Variants in KCNK10 observed in about 807,000 individuals in gnomAD.
KCNK10 encodes the protein potassium two pore domain channel subfamily K member 10.
KCNK10 carries 25 observed loss-of-function variants against 47.7 expected under a neutral mutation model. That is an observed-to-expected ratio of 0.52 (90% CI 0.38 to 0.73). KCNK10 has a LOEUF of 0.73. Among genes scored for constraint, KCNK10 ranks in the 30% least tolerant of loss-of-function variants. The probability of loss-of-function intolerance (pLI) is 0.00; values close to 1 mark genes in which losing one functional copy is unlikely to be tolerated. For missense variants in KCNK10, 563 were observed against 714.5 expected (o/e 0.79, Z 2.42); for synonymous variants, 303 against 285.6 (o/e 1.06, Z -0.61).
chr14:88,187,874 G>A, intron 6 of KCNK10, 93 bp downstream of exon 6: 2 of 1,392,856 alleles, frequency 1.4e-6, no homozygotes, highest in Non-Finnish European at 2.0e-6. Context: ...AACCGAGCCA[G>A]AAACACTCCA....
At chr14:88,313,510 C>A (rs1455516476) in intron 1 of KCNK10, among the ~76,000 whole-genome samples, 1 of 152,188 alleles carries the variant, frequency 6.6e-6, no homozygotes, top group African/African-American at 2.4e-5. Context: ...AGCCAGCCAC[C>A]ATGTCACATA....
In KCNK10 at chr14:88,310,205, G is replaced by GATATACCATATCATATGGTATATC. The variant is rs1566721489; in HGVS notation, c.52+12541_52+12542insGATATACCATATGATATGGTATAT. On this transcript the variant is annotated intron_variant, in intron 1 of 6. Coordinates refer to ENST00000319231, the MANE Select transcript of KCNK10 (RefSeq NM_138317.3). ...TGATATACCATATCATATGGTATAT[G>GATATACCATATCATATGGTATATC]ATATACCATATCATATGGTATATGA... 6.6e-3 allele frequency among the ~76,000 whole-genome samples: 280 copies of GATATACCATATCATATGGTATATC among 42,268 alleles called. 21 individuals are homozygous for GATATACCATATCATATGGTATATC. Among genetic ancestry groups the GATATACCATATCATATGGTATATC allele is most frequent in the Middle Eastern group, 0.05 (2 of 40 alleles). The allele number at this position is 42,268 out of a possible 152,430, so 27.7% of individuals were successfully genotyped here.
intron 4 of KCNK10, among the ~76,000 whole-genome samples, chr14:88,204,205 C>T (rs188945070): frequency 3.9e-5 from 6 of 152,256 alleles, no homozygotes; most frequent in Non-Finnish European, 8.8e-5. Flanking sequence ...AAGGAGAAAA[C>T]GAGCAACATG....
intron 3 of KCNK10, chr14:88,235,385 C>T (rs1886272939): frequency 2.7e-6 from 1 of 364,004 alleles, no homozygotes; most frequent in Non-Finnish European, 5.4e-6. Context: ...TGGAAAGAGG[C>T]TCACCAGAAA....
rs1024010947 is a variant in KCNK10, at chr14:88,220,290, G to A, written c.681+7085C>T. Reference sequence around the variant, plus strand: ...AAATTAGCCGGGCGTAGTGGCGGGCGCCTGTAGTCCCAGCTACTTGGGAGG... The same window carrying A: ...AAATTAGCCGGGCGTAGTGGCGGGCACCTGTAGTCCCAGCTACTTGGGAGG... On this transcript the variant is annotated intron_variant, in intron 4 of 6. Transcript: ENST00000319231. Among the ~76,000 whole-genome samples, 1,108 of 149,360 alleles carry A rather than the reference G, an allele frequency of 7.4e-3. 12 individuals are homozygous for A. The highest frequency in any genetic ancestry group is 0.026 in the African/African-American group (1,063 of 40,786).
chr14:88,233,138 C>T (rs1287062629), intron 3 of KCNK10, among the ~76,000 whole-genome samples: 5 of 152,120 alleles, frequency 3.3e-5, no homozygotes, highest in Non-Finnish European at 7.3e-5. Context: ...GCTTAAACAA[C>T]GAAAGAAAAT....
At chr14:88,310,933 A>T (rs1888316009) in intron 1 of KCNK10, among the ~76,000 whole-genome samples, 1 of 152,176 alleles carries the variant, frequency 6.6e-6, no homozygotes, top group Non-Finnish European at 1.5e-5. Context: ...GCATGTATTG[A>T]TTCATCGACT....
chr14:88,183,137 C>T lies in KCNK10; in HGVS notation c.*2398G>A, dbSNP rs1247633014. ...CAGACTTTGGTCAGACTTTGAATAC[C>T]AGCTCTACCACTTTCTTGCTGTGTG... On this transcript the variant is annotated 3_prime_UTR_variant, in exon 7 of 7. Coordinates refer to ENST00000319231, the MANE Select transcript of KCNK10 (RefSeq NM_138317.3). The T allele has an allele frequency of 6.6e-6, 1 of 152,246 alleles. No individual in the cohort carries two copies. Among genetic ancestry groups the T allele is most frequent in the Non-Finnish European group, 1.5e-5 (1 of 68,050 alleles). 9.4% of individuals were successfully genotyped at this position (152,246 alleles called of 1,614,324 possible). A position where few individuals can be genotyped will look rare whatever the true frequency, so the allele number is the denominator to read the frequency against.
chr14:88,311,345 A>G (rs1888324571), intron 1 of KCNK10, among the ~76,000 whole-genome samples: 1 of 151,394 alleles, frequency 6.6e-6, no homozygotes, highest in Non-Finnish European at 1.5e-5. Flanking sequence ...AGAAAAAAAG[A>G]GTTCCTTAGT....
At chr14:88,218,861 A>G (rs1050836635) in intron 4 of KCNK10, among the ~76,000 whole-genome samples, 4 of 152,192 alleles carry the variant, frequency 2.6e-5, no homozygotes, top group Non-Finnish European at 5.9e-5. Flanking sequence ...AAATAAGCAG[A>G]TATTTGGGAT....
intron 1 of KCNK10, chr14:88,270,871 G>T: frequency 1.3e-6 from 1 of 778,444 alleles, no homozygotes; most frequent in South Asian, 1.3e-5. Flanking sequence ...CTCTGAAGGC[G>T]CCACCAACAT....
intron 1 of KCNK10, among the ~76,000 whole-genome samples, chr14:88,306,167 C>A (rs61977018): frequency 6.6e-6 from 1 of 152,132 alleles, no homozygotes; most frequent in Non-Finnish European, 1.5e-5. Flanking sequence ...TTACATAAAC[C>A]CAGAGCAGGA....
chr14:88,186,081 C>T lies in KCNK10; in HGVS notation c.1086G>A (p.Arg362=), dbSNP rs753120441. The T allele has an allele frequency of 6.2e-7, 1 of 1,611,846 alleles. No homozygotes were observed. Among genetic ancestry groups the T allele is most frequent in the South Asian group, 1.1e-5 (1 of 90,930 alleles). ...GCTTATCGTGGATCTCCACGCTGAG[C>T]CTTCGCCGTGTCTCCCGGAACTCAG... ...VTAEFRETRR[R]LSVEIHDKLQ... is the part of the protein sequence containing the mutation. The change falls in exon 7 of 7, where the codon AGG becomes AGA. Residue 362 remains arginine, a synonymous_variant. Coordinates refer to ENST00000319231, the MANE Select transcript of KCNK10 (RefSeq NM_138317.3). This position sits in a 1 kb window ranked among gnomAD's most constrained non-coding sequence, Gnocchi z 5.5.
chr14:88,247,936 T>G (rs1271265107), intron 2 of KCNK10, among the ~76,000 whole-genome samples: 1 of 152,232 alleles, frequency 6.6e-6, no homozygotes, highest in Non-Finnish European at 1.5e-5. Flanking sequence ...AGACAAATTT[T>G]AAACCACGAG....
chr14:88,231,108 C>T (rs912173227), intron 3 of KCNK10, among the ~76,000 whole-genome samples: 3 of 151,534 alleles, frequency 2.0e-5, no homozygotes, highest in African/African-American at 7.3e-5. Flanking sequence ...GCCCTTGTCT[C>T]TACAAAAAAA....
In KCNK10 at chr14:88,233,158, C is replaced by G. The variant is rs117336693; in HGVS notation, c.521-5623G>C. On this transcript the variant is annotated intron_variant, in intron 3 of 6. Transcript: ENST00000319231. Reference sequence around the variant, plus strand: ...AACAACGAAAGAAAATATATTGACCCCAGTAAATAGAAGGGGGTTTAACAT... The same window carrying G: ...AACAACGAAAGAAAATATATTGACCGCAGTAAATAGAAGGGGGTTTAACAT... 6.4e-3 allele frequency among the ~76,000 whole-genome samples: 980 copies of G among 152,266 alleles called. 10 individuals are homozygous for G. The highest frequency in any genetic ancestry group is 0.027 in the Middle Eastern group (8 of 294).
At chr14:88,197,572 T>TG (rs1884957105) in intron 4 of KCNK10, among the ~76,000 whole-genome samples, 1 of 17,142 alleles carries the variant, frequency 5.8e-5, no homozygotes, top group African/African-American at 1.6e-4. Flanking sequence ...AGACTCCGAC[T>TG]AAAAAAAAAA....
At chr14:88,321,751 T>A (rs1234184971) in intron 1 of KCNK10, among the ~76,000 whole-genome samples, 1 of 152,160 alleles carries the variant, frequency 6.6e-6, no homozygotes, top group Non-Finnish European at 1.5e-5. Flanking sequence ...AAAGAAGAAA[T>A]GCGCTCATAA....
chr14:88,245,751 C>T (rs1315127109), intron 2 of KCNK10, among the ~76,000 whole-genome samples: 1 of 152,180 alleles, frequency 6.6e-6, no homozygotes, highest in Non-Finnish European at 1.5e-5. Context: ...ACAACAGATT[C>T]GTGCTTTATG....
Sources: gnomAD v4.1 joint callset for allele counts (sites outside exome capture counted in the v4.1 genomes callset) on GRCh38, gnomAD v4.1.1 for gene constraint, Gnocchi (gnomAD v3.1) non-coding constraint, MANE v1.5 for transcripts, NCBI Gene and HGNC (gene_info 2026-07-23, HGNC 2026-07-21) for gene names.